Variants in COX7A2L observed in about 807,000 individuals in gnomAD.
COX7A2L encodes cytochrome c oxidase subunit 7A2-like, mitochondrial.
Under a neutral mutation model 14.2 loss-of-function variants are expected in COX7A2L, and 18 were observed. That is an observed-to-expected ratio of 1.27 (90% CI 0.88 to 1.88). The LOEUF (loss-of-function observed/expected upper bound fraction) is 1.88. Ranked by LOEUF, COX7A2L falls within the 40% of genes most tolerant of loss-of-function variation. COX7A2L has a pLI of 0.00. For synonymous variants in COX7A2L, 65 were observed against 57.4 expected, an observed-to-expected ratio of 1.13 and a Z score of -0.60; for missense variants, 179 against 138.8, an observed-to-expected ratio of 1.29 and a Z score of -1.46.
chr2:42,342,343 G>T lies in COX7A2L; in HGVS notation c.193-8474C>A, dbSNP rs1376798793. Among the ~76,000 whole-genome samples the T allele has an allele frequency of 3.9e-5, 6 of 152,044 alleles. No homozygotes were observed. The highest frequency in any genetic ancestry group is 1.4e-4 in the African/African-American group (6 of 41,390). On this transcript the variant is annotated intron_variant, in intron 2 of 2. Transcript: ENST00000468711. This position sits in a 1 kb window ranked among gnomAD's most constrained non-coding sequence, Gnocchi z 4.9. ...GACGAGGGACTTGAGCTCTCTGCTT[G>T]GCAAGATGCCCTCAGAAACCACCCC...
rs553033918 is a variant in COX7A2L, at chr2:42,342,417, C to T, written c.193-8548G>A. The stretch of plus-strand genomic sequence containing the variant: ...TGGCCCTTCAGGCAGGCACCAGGTA[C>T]GGCCCACACAGACTCAGCCTCTCCT... On this transcript the variant is annotated intron_variant, in intron 2 of 2. Coordinates refer to the COX7A2L transcript ENST00000468711. This position sits in a 1 kb window ranked among gnomAD's most constrained non-coding sequence, Gnocchi z 4.9. Among the ~76,000 whole-genome samples the T allele has an allele frequency of 4.6e-5, 7 of 152,118 alleles. No homozygotes were observed. Among genetic ancestry groups the T allele is most frequent in the Non-Finnish European group, 7.4e-5 (5 of 68,006 alleles).
chr2:42,352,318 T>C (rs569943127), intron 2 of COX7A2L, among the ~76,000 whole-genome samples: 1 of 152,170 alleles, frequency 6.6e-6, no homozygotes, highest in African/African-American at 2.4e-5. Flanking sequence ...TACAGACGCG[T>C]GCCTATACAC....
chr2:42,359,340 G>A (rs149178901), intron 1 of COX7A2L: 2 of 152,244 alleles, frequency 1.3e-5, no homozygotes, highest in Non-Finnish European at 2.9e-5. Context: ...GGCAGGGATT[G>A]ACAGAGGGTA....
intron 2 of COX7A2L, 89 bp from the exon 3 acceptor site, chr2:42,351,448 T>C: frequency 6.9e-7 from 1 of 1,457,888 alleles, no homozygotes; most frequent in Non-Finnish European, 9.4e-7. Context: ...GTCTACTCGG[T>C]AAGTAATTCA....
Position 42,339,628 on chromosome 2 carries a change from T to A in COX7A2L, c.193-5759A>T, listed in dbSNP as rs1433736807. 6.6e-6 allele frequency among the ~76,000 whole-genome samples: 1 copy of A among 152,134 alleles called. No homozygotes were observed. Among genetic ancestry groups the A allele is most frequent in the Non-Finnish European group, 1.5e-5 (1 of 68,024 alleles). ...CCTTGCTTTCCTCCTTTCTTATTTT[T>A]AACACTTTTTAAATTTATTACTTCC... On this transcript the variant is annotated intron_variant, in intron 2 of 2. Transcript: ENST00000468711. The surrounding 1 kb of genome is among the most constrained non-coding windows in gnomAD (Gnocchi z 5.4).
At chr2:42,359,478 TAGAAGCAGA>T (rs1006559264) in intron 1 of COX7A2L, 12 of 152,190 alleles carry the variant, frequency 7.9e-5, no homozygotes, top group African/African-American at 2.7e-4. Context: ...ATACATTTCA[TAGAAGCAGA>T]TGATAGAAAT....
chr2:42,361,223 G>A (rs966186302), upstream of COX7A2L: 18 of 1,475,770 alleles, frequency 1.2e-5, no homozygotes, highest in South Asian at 2.5e-5. Flanking sequence ...GAAGGACCCC[G>A]CCTCCCCGGC....
chr2:42,361,242 CG>C, upstream of COX7A2L: 1 of 1,340,232 alleles, frequency 7.5e-7, no homozygotes, highest in South Asian at 1.3e-5. Flanking sequence ...GCTGTGGTCC[CG>C]AGACTCAGCG....
At chr2:42,353,123 A>T in intron 2 of COX7A2L, 89 bp downstream of exon 2, 1 of 1,472,442 alleles carries the variant, frequency 6.8e-7, no homozygotes, top group Non-Finnish European at 9.3e-7. Flanking sequence ...GAGGGTGGGT[A>T]GTAAACTAGA....
At chr2:42,356,991 CTCT>C in intron 1 of COX7A2L, among the ~76,000 whole-genome samples, 1 of 152,184 alleles carries the variant, frequency 6.6e-6, no homozygotes, top group African/African-American at 2.4e-5. Context: ...AATACTGAAT[CTCT>C]TAGCTGCTTA....
chr2:42,336,498 A>G (rs1208321263), intron 2 of COX7A2L, among the ~76,000 whole-genome samples: 2 of 152,158 alleles, frequency 1.3e-5, no homozygotes, highest in East Asian at 3.9e-4. Context: ...CTTAATATGC[A>G]AAGCCTTCAG....
intron 2 of COX7A2L, among the ~76,000 whole-genome samples, chr2:42,337,826 C>A (rs1287506537): frequency 6.6e-6 from 1 of 152,180 alleles, no homozygotes; most frequent in Admixed American, 6.5e-5. Flanking sequence ...CTTACTACCA[C>A]GAAGCCTTTT....
At chr2:42,337,617 CTG>C (rs1189771456) in intron 2 of COX7A2L, among the ~76,000 whole-genome samples, 1 of 152,158 alleles carries the variant, frequency 6.6e-6, no homozygotes. Context: ...GTCTGGATTA[CTG>C]TGTCCTTCCA....
upstream of COX7A2L, among the ~76,000 whole-genome samples, chr2:42,362,530 A>G (rs1257152231): frequency 6.6e-6 from 1 of 152,240 alleles, no homozygotes; most frequent in Admixed American, 6.5e-5. Flanking sequence ...CAGGTCAGGG[A>G]TAAGTGGCAG....
At chr2:42,340,087 C>T (rs1271032402) in intron 2 of COX7A2L, among the ~76,000 whole-genome samples, 1 of 152,138 alleles carries the variant, frequency 6.6e-6, no homozygotes, top group Non-Finnish European at 1.5e-5. Context: ...CTCCTCAGAC[C>T]GAATGCTTAT....
At chr2:42,343,403 C>A (rs962493211) in intron 2 of COX7A2L, among the ~76,000 whole-genome samples, 1 of 152,192 alleles carries the variant, frequency 6.6e-6, no homozygotes, top group Non-Finnish European at 1.5e-5. Context: ...TGTGCTTCTG[C>A]GCACTAATTA....
chr2:42,341,133 C>T (rs1670396944), intron 2 of COX7A2L, among the ~76,000 whole-genome samples: 1 of 152,120 alleles, frequency 6.6e-6, no homozygotes, highest in Admixed American at 6.5e-5. Context: ...ATGGGTGAGT[C>T]CCACAGGGGG....
chr2:42,343,401 T>C (rs887741111), intron 2 of COX7A2L, among the ~76,000 whole-genome samples: 2 of 152,244 alleles, frequency 1.3e-5, no homozygotes, highest in African/African-American at 4.8e-5. Flanking sequence ...TGTGTGCTTC[T>C]GCGCACTAAT....
chr2:42,367,132 A>G (rs1671179295), intron 1 of COX7A2L, among the ~76,000 whole-genome samples: 1 of 152,164 alleles, frequency 6.6e-6, no homozygotes, highest in South Asian at 2.1e-4. Flanking sequence ...CATTTCTTTA[A>G]GTTTCTGCTC....
Sources: allele counts gnomAD v4.1 joint callset (sites outside exome capture counted in the v4.1 genomes callset), GRCh38; gene constraint gnomAD v4.1.1; non-coding constraint Gnocchi (gnomAD v3.1); transcripts MANE v1.5; gene names NCBI Gene and HGNC (gene_info 2026-07-23, HGNC 2026-07-21).